RBMS3: variants seen among roughly 807,000 people sequenced by gnomAD.
RBMS3 encodes RNA-binding motif, single-stranded-interacting protein 3.
A neutral mutation model predicts 66.8 loss-of-function variants in RBMS3; 27 were observed. That is an observed-to-expected ratio of 0.40 (90% CI 0.30 to 0.56). RBMS3 has a LOEUF of 0.56. RBMS3 is among the 20% of genes least tolerant of loss of function. The pLI, the probability that RBMS3 is intolerant of heterozygous loss-of-function variation, is 0.40. For missense variants in RBMS3, 513 were observed against 549.5 expected (o/e 0.93, Z 0.66); for synonymous variants, 188 against 183.0 (o/e 1.03, Z -0.22).
intron 6 of RBMS3, among the ~76,000 whole-genome samples, chr3:29,788,313 C>T (rs764100352): frequency 6.6e-6 from 1 of 152,000 alleles, no homozygotes; most frequent in Non-Finnish European, 1.5e-5. Context: ...GCAACCTCCG[C>T]CTCCCTGGTT....
At chr3:29,356,338 T>A (rs2037220228) in intron 1 of RBMS3, among the ~76,000 whole-genome samples, 1 of 152,200 alleles carries the variant, frequency 6.6e-6, no homozygotes, top group South Asian at 2.1e-4. Flanking sequence ...ATACTTTTGT[T>A]CTATGTTTTG....
At chr3:29,796,807 G>C (rs539515880) in intron 6 of RBMS3, among the ~76,000 whole-genome samples, 4 of 148,066 alleles carry the variant, frequency 2.7e-5, no homozygotes, top group African/African-American at 7.6e-5. Flanking sequence ...CCACCTCCTG[G>C]GTTCAAGCGA....
chr3:29,835,735 C>G (rs1247580096), intron 6 of RBMS3, among the ~76,000 whole-genome samples: 1 of 151,512 alleles, frequency 6.6e-6, no homozygotes, highest in Non-Finnish European at 1.5e-5. Flanking sequence ...ACATAACAAA[C>G]TAAGCCCAAA....
rs117135391 is a variant in RBMS3, at chr3:29,744,976, A to G, written c.557+5099A>G. 1.2e-3 allele frequency among the ~76,000 whole-genome samples: 185 copies of G among 152,184 alleles called. 3 individuals are homozygous for G. In the East Asian group the frequency reaches 0.034, roughly 28 times the overall value. Reference sequence around the variant, plus strand: ...AACCATCATATGTGGTCCTTAATTCATGTACAAGGGATTCCAAAATTCCTT... The same window carrying G: ...AACCATCATATGTGGTCCTTAATTCGTGTACAAGGGATTCCAAAATTCCTT... On this transcript the variant is annotated intron_variant, in intron 5 of 14. Transcript: ENST00000383767.
intron 2 of RBMS3, among the ~76,000 whole-genome samples, chr3:29,449,046 T>C (rs2125755676): frequency 6.6e-6 from 1 of 152,232 alleles, no homozygotes; most frequent in South Asian, 2.1e-4. Flanking sequence ...TTGGTGGATG[T>C]AAGGAGAGAA....
chr3:29,908,593 A>C (rs2060441315), intron 10 of RBMS3, among the ~76,000 whole-genome samples: 1 of 152,110 alleles, frequency 6.6e-6, no homozygotes, highest in Non-Finnish European at 1.5e-5. Context: ...ATTGTCATAA[A>C]ACTTGAGGAA....
chr3:29,629,095 T>C (rs2049181942), intron 4 of RBMS3, among the ~76,000 whole-genome samples: 1 of 152,128 alleles, frequency 6.6e-6, no homozygotes, highest in South Asian at 2.1e-4. Context: ...GGTAGCTGTT[T>C]TAAGAAGAAT....
intron 2 of RBMS3, among the ~76,000 whole-genome samples, chr3:29,451,270 T>A (rs989988860): frequency 5.9e-5 from 9 of 152,326 alleles, no homozygotes; most frequent in Non-Finnish European, 1.3e-4. Flanking sequence ...GATGAAACTT[T>A]TTTATAACCT....
chr3:29,322,741 A>C lies in RBMS3; in HGVS notation c.75+40985A>C, dbSNP rs189572791. ...GGATGGTTCCTTGGAGTTAATTTTCATGGGCTTTAGAAGGTATTTAAACCT... is the reference window on the plus strand; with the variant it reads ...GGATGGTTCCTTGGAGTTAATTTTCCTGGGCTTTAGAAGGTATTTAAACCT... On this transcript the variant is annotated intron_variant, in intron 1 of 14. Transcript: ENST00000383767. Among the ~76,000 whole-genome samples the C allele has an allele frequency of 9.9e-5, 15 of 152,212 alleles. No homozygotes were observed. In the East Asian group the frequency reaches 2.9e-3, roughly 29 times the overall value.
chr3:29,833,935 A>G (rs1398603850), intron 6 of RBMS3, among the ~76,000 whole-genome samples: 2 of 152,216 alleles, frequency 1.3e-5, no homozygotes, highest in Admixed American at 6.5e-5. Flanking sequence ...CGCCAAGAAA[A>G]AAAACATGCT....
chr3:29,681,147 T>A (rs1442523167), intron 4 of RBMS3, among the ~76,000 whole-genome samples: 1 of 152,368 alleles, frequency 6.6e-6, no homozygotes, highest in East Asian at 1.9e-4. Flanking sequence ...TACATTCTGC[T>A]CAGCCTACTT....
At chr3:30,001,793 ATTAT>A (rs903252768) in intron 14 of RBMS3, among the ~76,000 whole-genome samples, 34 of 150,748 alleles carry the variant, frequency 2.3e-4, no homozygotes, top group African/African-American at 6.8e-4. Context: ...TTCTTATTTT[ATTAT>A]TTATTTTATT....
At chr3:29,974,930 TTC>T (rs1044538457) in intron 12 of RBMS3, among the ~76,000 whole-genome samples, 5 of 143,486 alleles carry the variant, frequency 3.5e-5, no homozygotes, top group Non-Finnish European at 7.7e-5. Context: ...TAAAATACGT[TTC>T]TATATTTATA....
chr3:29,472,515 G>A (rs1448018827), intron 2 of RBMS3, among the ~76,000 whole-genome samples: 3 of 152,106 alleles, frequency 2.0e-5, no homozygotes, highest in African/African-American at 2.4e-5. Context: ...GAATGAAGCC[G>A]TGGACCCTCG....
chr3:29,671,557 A>G (rs2051001740), intron 4 of RBMS3, among the ~76,000 whole-genome samples: 1 of 152,222 alleles, frequency 6.6e-6, no homozygotes, highest in Non-Finnish European at 1.5e-5. Flanking sequence ...CGAATGGCTA[A>G]CTAGAATAAA....
At chr3:29,376,633 C>T (rs555909321) in intron 1 of RBMS3, among the ~76,000 whole-genome samples, 13 of 152,174 alleles carry the variant, frequency 8.5e-5, no homozygotes, top group African/African-American at 2.9e-4. Context: ...AACGACCAGG[C>T]GCAGTGGCTC....
At chr3:29,814,411 A>G (rs1485817178) in intron 6 of RBMS3, among the ~76,000 whole-genome samples, 1 of 152,100 alleles carries the variant, frequency 6.6e-6, no homozygotes. Flanking sequence ...TTTTGCATCG[A>G]TGTTCATCAA....
intron 3 of RBMS3, among the ~76,000 whole-genome samples, chr3:29,534,335 G>A (rs192171598): frequency 3.9e-5 from 6 of 152,306 alleles, no homozygotes; most frequent in Non-Finnish European, 5.9e-5. Context: ...AGCCAGATAC[G>A]TCATGCCTCC....
chr3:29,740,577 A>G (rs1392435840), intron 5 of RBMS3, among the ~76,000 whole-genome samples: 1 of 152,230 alleles, frequency 6.6e-6, no homozygotes, highest in Non-Finnish European at 1.5e-5. Flanking sequence ...TGCTTTCATG[A>G]AAAACAAAGC....
Sources: gnomAD v4.1 joint callset for allele counts (sites outside exome capture counted in the v4.1 genomes callset) on GRCh38, gnomAD v4.1.1 for gene constraint, MANE v1.5 for transcripts, NCBI Gene and HGNC (gene_info 2026-07-23, HGNC 2026-07-21) for gene names.